CEP83: variants seen among roughly 807,000 people sequenced by gnomAD.
CEP83 encodes the protein centrosomal protein of 83 kDa.
In CEP83, 70 loss-of-function variants were observed where a neutral mutation model predicts 101.9. The ratio of observed to expected loss-of-function variants is 0.69; its 90% confidence interval spans 0.57 to 0.84. The LOEUF (loss-of-function observed/expected upper bound fraction) is 0.84, where lower values mean the gene tolerates loss of function less well. Ranked by LOEUF, CEP83 falls within the 40% of genes least tolerant of loss-of-function variation. The probability of loss-of-function intolerance (pLI) is 0.00; values close to 1 mark genes in which losing one functional copy is unlikely to be tolerated. For synonymous variants in CEP83, 264 were observed against 267.9 expected (o/e 0.99, Z 0.14); for missense variants, 715 against 787.2 (o/e 0.91, Z 1.10).
intron 6 of CEP83, among the ~76,000 whole-genome samples, chr12:94,393,045 G>A (rs1192251840): frequency 2.0e-5 from 3 of 152,144 alleles, no homozygotes; most frequent in African/African-American, 7.2e-5. Flanking sequence ...TCTACCAGAG[G>A]TACAAAGAGG....
At chr12:94,352,253 T>C (rs973454534) in intron 11 of CEP83, among the ~76,000 whole-genome samples, 1 of 151,920 alleles carries the variant, frequency 6.6e-6, no homozygotes, top group African/African-American at 2.4e-5. Flanking sequence ...ACCCCGTCTC[T>C]ACTAAAAATA....
chr12:94,304,478 C>G (rs1038041025), downstream of CEP83, among the ~76,000 whole-genome samples: 2 of 152,146 alleles, frequency 1.3e-5, no homozygotes, highest in Non-Finnish European at 2.9e-5. Context: ...TTTCAATAAA[C>G]CATTCTCCTT....
intron 14 of CEP83, among the ~76,000 whole-genome samples, chr12:94,330,761 T>C (rs1162447884): frequency 3.9e-5 from 6 of 152,222 alleles, no homozygotes. Flanking sequence ...ATGTGTTAAA[T>C]ATGACTTCCA....
chr12:94,370,459 A>G (rs922915262), intron 8 of CEP83, among the ~76,000 whole-genome samples: 2 of 152,180 alleles, frequency 1.3e-5, no homozygotes, highest in African/African-American at 4.8e-5. Flanking sequence ...TTTCAACTTC[A>G]AACTCCTGGG....
At chr12:94,343,709 G>A (rs2059807387) in intron 11 of CEP83, among the ~76,000 whole-genome samples, 1 of 150,574 alleles carries the variant, frequency 6.6e-6, no homozygotes, top group African/African-American at 2.4e-5. Context: ...TAGCCAGGAT[G>A]GTCTCGATCT....
chr12:94,349,394 T>C (rs1281600397), intron 11 of CEP83, among the ~76,000 whole-genome samples: 1 of 152,090 alleles, frequency 6.6e-6, no homozygotes, highest in East Asian at 1.9e-4. Flanking sequence ...ACTGTAATGG[T>C]TCCTATTTTG....
rs188894389 is a variant in CEP83 at position 94,356,897 on chromosome 12, G to A, written c.1343+10897C>T. ...TGCAGACCAACTTTTGGGGGTTGGC[G>A]GCTGGGCTGGTTTAGATGCACAACT... On this transcript the variant is annotated intron_variant, in intron 11 of 16. Coordinates refer to ENST00000397809, the MANE Select transcript of CEP83 (RefSeq NM_016122.3). 2.0e-3 allele frequency among the ~76,000 whole-genome samples: 305 copies of A among 152,286 alleles called. 1 individual carries two copies. The highest frequency in any genetic ancestry group is 7.1e-3 in the African/African-American group (294 of 41,546).
At chr12:94,362,785 C>A (rs2060834889) in intron 11 of CEP83, among the ~76,000 whole-genome samples, 2 of 152,224 alleles carry the variant, frequency 1.3e-5, no homozygotes. Flanking sequence ...ATGGAATCAA[C>A]CTACGTGCCC....
At chr12:94,298,196 A>G in the CEP83 span, among the ~76,000 whole-genome samples, 1 of 152,222 alleles carries the variant, frequency 6.6e-6, no homozygotes, top group Non-Finnish European at 1.5e-5. Context: ...AATGCTTTGG[A>G]AAGTACACAA....
the CEP83 span, among the ~76,000 whole-genome samples, chr12:94,291,813 G>GTA: frequency 2.6e-5 from 4 of 152,082 alleles, no homozygotes; most frequent in African/African-American, 9.7e-5. Context: ...TGCTACAAGG[G>GTA]TATACTGCAT....
chr12:94,376,712 C>T (rs1566024835), intron 7 of CEP83, among the ~76,000 whole-genome samples: 1 of 122,308 alleles, frequency 8.2e-6, no homozygotes, highest in African/African-American at 3.0e-5. Context: ...CACACACACA[C>T]ACACACACAC....
chr12:94,384,294 G>C (rs191436689), intron 6 of CEP83, among the ~76,000 whole-genome samples: 32 of 152,270 alleles, frequency 2.1e-4, no homozygotes, highest in African/African-American at 7.5e-4. Flanking sequence ...TTTCTGATGA[G>C]AAATGAGCTA....
At chr12:94,331,289 G>GAAAAAAAAAAAAAAAA (rs568464808) in intron 14 of CEP83, among the ~76,000 whole-genome samples, 3 of 43,820 alleles carry the variant, frequency 6.8e-5, no homozygotes, top group Non-Finnish European at 1.0e-4. Context: ...CAGACTCTCA[G>GAAAAAAAAAAAAAAAA]AAAAAAAAAA....
At chr12:94,401,507 G>A (rs1405485641) in intron 5 of CEP83, among the ~76,000 whole-genome samples, 2 of 152,152 alleles carry the variant, frequency 1.3e-5, no homozygotes, top group Non-Finnish European at 2.9e-5. Context: ...AGGAACACAT[G>A]CAATTCCCTG....
the CEP83 span, among the ~76,000 whole-genome samples, chr12:94,291,118 G>A: frequency 1.3e-5 from 2 of 152,202 alleles, no homozygotes; most frequent in African/African-American, 4.8e-5. Context: ...TGGTTTCCAT[G>A]GTACCAAAAG....
At position 94,317,196 on chromosome 12, in the gene CEP83, G is replaced by A. The variant is rs552650380; in HGVS notation, c.1708-4179C>T. Among the ~76,000 whole-genome samples the A allele has an allele frequency of 7.9e-5, 12 of 152,206 alleles. No homozygotes were observed. In the South Asian group the frequency reaches 1.2e-3, roughly 16 times the overall value. On this transcript the variant is annotated intron_variant, in intron 14 of 16. Transcript: ENST00000397809. ...AGTGACATTGAGCTTTATTTCATAT[G>A]CTTGTTGGTCACATGTATGTCTTTT...
At chr12:94,265,743 CATAG>C in the CEP83 span, among the ~76,000 whole-genome samples, 7 of 152,162 alleles carry the variant, frequency 4.6e-5, no homozygotes, top group Non-Finnish European at 1.0e-4. Flanking sequence ...ACTGTGATCT[CATAG>C]ATATTTTTAG....
intron 11 of CEP83, among the ~76,000 whole-genome samples, chr12:94,364,620 T>C (rs973212691): frequency 6.6e-6 from 1 of 152,014 alleles, no homozygotes; most frequent in African/African-American, 2.4e-5. Context: ...AAAGACTCTG[T>C]CTCTAAATAA....
At chr12:94,349,079 A>G (rs1386644126) in intron 11 of CEP83, among the ~76,000 whole-genome samples, 1 of 152,132 alleles carries the variant, frequency 6.6e-6, no homozygotes, top group Non-Finnish European at 1.5e-5. Context: ...TGAGATCAGG[A>G]GTTCAAGACC....
Sources: gnomAD v4.1 joint callset for allele counts (sites outside exome capture counted in the v4.1 genomes callset) on GRCh38, gnomAD v4.1.1 for gene constraint, MANE v1.5 for transcripts, NCBI Gene and HGNC (gene_info 2026-07-23, HGNC 2026-07-21) for gene names.